TTN: variants seen among roughly 807,000 people sequenced by gnomAD.
The protein encoded by TTN is titin.
TTN carries 1,525 observed loss-of-function variants against 3,223.0 expected under a neutral mutation model. The observed-to-expected ratio is 0.47, with a 90% CI of 0.45 to 0.49. The LOEUF is 0.49. Ranked by LOEUF, TTN falls within the 20% of genes least tolerant of loss-of-function variation. The pLI is 0.00. For synonymous variants in TTN, 14,094 were observed against 15,161.0 expected, an observed-to-expected ratio of 0.93 and a Z score of 5.17; for missense variants, 40,786 against 43,424.0, an observed-to-expected ratio of 0.94 and a Z score of 5.40.
chr2:178,736,417 T>G (rs868369652), intron 49 of TTN, among the ~76,000 whole-genome samples: 1 of 152,182 alleles, frequency 6.6e-6, no homozygotes, highest in Non-Finnish European at 1.5e-5. Flanking sequence ...ATTAGAAGAT[T>G]ATGTAAGGAA....
chr2:178,730,135 C>T lies in TTN; in HGVS notation c.18265G>A (p.Asp6089Asn), dbSNP rs560203827. Residue 6089 changes from aspartate to asparagine, a missense_variant, in exon 62 of 363, where the codon GAT becomes AAT. Asp to Asn is a conservative substitution (Grantham distance 23). Transcript: ENST00000589042. ...GCTTTGCTGGTTGCTGTGCCAACAT[C>T]ATTGCTTAGTTGGCAAATGTAGGTT... ...SGTYICQLSN[D>N]VGTATSKATL... is the part of the protein sequence containing the mutation. 51 of 1,582,928 alleles carry T rather than the reference C, an allele frequency of 3.2e-5. No homozygotes were observed. The South Asian group carries it at 5.1e-4, about 16-fold the overall frequency.
intron 282 of TTN, 43 bp from the exon 283 acceptor site, chr2:178,602,633 C>A: frequency 2.1e-6 from 3 of 1,436,980 alleles, no homozygotes; most frequent in Non-Finnish European, 2.7e-6. Context: ...GATTTTGAAG[C>A]TGATGAAGTG....
intron 349 of TTN, 68 bp from the exon 350 acceptor site, chr2:178,541,652 G>A: frequency 7.2e-7 from 1 of 1,392,022 alleles, no homozygotes; most frequent in Non-Finnish European, 9.5e-7. Context: ...TCATATATTT[G>A]TGTTTTCCTT....
chr2:178,677,335 C>CATATATATATATATATAT lies in TTN; in HGVS notation c.34292-66_34292-49dup, dbSNP rs61060584. The CATATATATATATATATAT allele has an allele frequency of 4.9e-3, 1,240 of 251,518 alleles. 34 individuals carry two copies. The highest frequency in any genetic ancestry group is 0.019 in the East Asian group (123 of 6,464). 15.6% of individuals were successfully genotyped at this position (251,518 alleles called of 1,614,324 possible). A position where few individuals can be genotyped will look rare whatever the true frequency, so the allele number is the denominator to read the frequency against. On this transcript the variant is annotated intron_variant, in intron 146 of 362. Transcript: ENST00000589042. ...GCATTAAAAACCACATATACATGGT[C>CATATATATATATATATAT]ATATATATATATATATATATATATA...
intron 98 of TTN, among the ~76,000 whole-genome samples, 157 bp downstream of exon 98, chr2:178,710,478 G>A (rs2076494623): frequency 6.6e-6 from 1 of 152,102 alleles, no homozygotes; most frequent in African/African-American, 2.4e-5. Flanking sequence ...TTTAAAAAAT[G>A]ACTTCTTCTC....
Position 178,741,635 on chromosome 2 carries a change from G to A in TTN, c.11598C>T (p.Tyr3866=). ...NGVLLTPSAD[Y]KFVFDGDDHS... ...GATCATCACCGTCAAAAACAAATTT[G>A]TAGTCAGCAGAAGGGGTTAATAGCA... The change falls in exon 48 of 363, where the codon TAC becomes TAT. Residue 3866 remains tyrosine, a synonymous_variant. Transcript: ENST00000589042. 6.2e-7 allele frequency: 1 copy of A among 1,613,796 alleles called. No individual in the cohort carries two copies.
chr2:178,792,542 A>G (rs2093563576), intron 9 of TTN, among the ~76,000 whole-genome samples: 2 of 152,252 alleles, frequency 1.3e-5, no homozygotes, highest in Admixed American at 6.5e-5. Context: ...CTTAGAATAT[A>G]TATCAGAATG....
chr2:178,773,823 A>G lies in TTN; in HGVS notation c.7330+15T>C, dbSNP rs2154344835. The G allele has an allele frequency of 6.2e-7, 1 of 1,614,066 alleles. No individual in the cohort carries two copies. The highest frequency in any genetic ancestry group is 2.2e-5 in the East Asian group (1 of 44,852). ...CTTAATAGTGTAAACATAAAATTTT[A>G]TAATTAGGACTCACTATAGACAGAG... On this transcript the variant is annotated intron_variant, in intron 31 of 362. Coordinates refer to ENST00000589042, the MANE Select transcript of TTN (RefSeq NM_001267550.2).
chr2:178,649,683 A>C, intron 211 of TTN, 52 bp from the exon 212 acceptor site: 4 of 1,543,596 alleles, frequency 2.6e-6, no homozygotes, highest in Non-Finnish European at 2.6e-6. Flanking sequence ...GATGTAAGAT[A>C]TACATACAAG....
chr2:178,581,788 C>G lies in TTN; in HGVS notation c.66480G>C (p.Pro22160=). The change falls in exon 316 of 363, where the codon CCG becomes CCC. Residue 22160 remains proline (P), a synonymous_variant. Transcript: ENST00000589042. Reference sequence around the variant, plus strand: ...TTGTATCATATACTTTAGGGAAAGCCGGTGGGCCAGGAGGATCTGAGAATA... The same window carrying G: ...TTGTATCATATACTTTAGGGAAAGCGGGTGGGCCAGGAGGATCTGAGAATA... ...ARDPQYPPGP[P]AFPKVYDTTR... is the part of the protein sequence containing the mutation. 6.3e-7 allele frequency: 1 copy of G among 1,598,490 alleles called. No individual in the cohort carries two copies. Among genetic ancestry groups the G allele is most frequent in the South Asian group, 1.1e-5 (1 of 89,074 alleles).
At chr2:178,695,509 G>A (rs559217816) in intron 114 of TTN, 99 bp from the exon 115 acceptor site, 83 of 910,370 alleles carry the variant, frequency 9.1e-5, no homozygotes, top group Non-Finnish European at 1.3e-4. Flanking sequence ...ATATATAATC[G>A]TGTGAAGTAT....
Position 178,548,804 on chromosome 2 carries a change from G to C in TTN, c.92822C>G (p.Ala30941Gly). The C allele has an allele frequency of 6.2e-7, 1 of 1,612,694 alleles. No individual in the cohort carries two copies. The highest frequency in any genetic ancestry group is 1.1e-5 in the South Asian group (1 of 91,088). ...FKQTHVVRAG[A>G]SIRLFIAYQG... Reference sequence around the variant, plus strand: ...GTAGGCAATGAAGAGGCGAATACTGGCCCCAGCTCTAACAACATGAGTCTG... The same window carrying C: ...GTAGGCAATGAAGAGGCGAATACTGCCCCCAGCTCTAACAACATGAGTCTG... Residue 30941 changes from alanine (A) to glycine (G), a missense_variant, in exon 339 of 363, where the codon GCC becomes GGC. Ala to Gly is a moderately conservative substitution (Grantham distance 60). Coordinates refer to ENST00000589042, the MANE Select transcript of TTN (RefSeq NM_001267550.2). This position sits in a 1 kb window ranked among gnomAD's most constrained non-coding sequence, Gnocchi z 4.3.
chr2:178,765,617 T>C (rs927978748), intron 41 of TTN, among the ~76,000 whole-genome samples: 1 of 152,220 alleles, frequency 6.6e-6, no homozygotes, highest in African/African-American at 2.4e-5. Context: ...GGTTCATCTT[T>C]GTGAATCTTG....
intron 1 of TTN, among the ~76,000 whole-genome samples, chr2:178,806,331 A>T (rs1455901650): frequency 6.6e-6 from 1 of 152,192 alleles, no homozygotes; most frequent in East Asian, 1.9e-4. Context: ...ATACCTAATT[A>T]TATATCTATG....
intron 90 of TTN, 109 bp downstream of exon 90, chr2:178,714,877 G>A: frequency 7.1e-7 from 1 of 1,399,776 alleles, no homozygotes; most frequent in South Asian, 1.5e-5. Context: ...GAAACAAAGG[G>A]AAAGTGGAAT....
Position 178,728,547 on chromosome 2 carries a change from T to A in TTN, c.19379A>T (p.Glu6460Val). ...ACAGCTACTGCTTCCGAAGTCATTT[T>A]CCACCTTGAAAGTGTACTGACCGCT... ...QDSGQYTFKV[E>V]NDFGSSSCDA... The change falls in exon 66 of 363, where the codon GAA (glutamate) becomes GTA (valine). Residue 6460 changes from glutamate (E) to valine (V), a missense_variant. By Grantham distance (121) the Glu-to-Val change is moderately radical. Coordinates refer to ENST00000589042, the MANE Select transcript of TTN (RefSeq NM_001267550.2). 1 of 1,612,794 alleles carries A rather than the reference T, an allele frequency of 6.2e-7. No homozygotes were observed. The highest frequency in any genetic ancestry group is 8.5e-7 in the Non-Finnish European group (1 of 1,179,266).
chr2:178,750,082 C>G, intron 47 of TTN: 1 of 1,613,112 alleles, frequency 6.2e-7, no homozygotes, highest in Non-Finnish European at 8.5e-7. Flanking sequence ...CTGCTGTTAC[C>G]TGAATTTCTA....
Position 178,751,954 on chromosome 2 carries a change from G to A in TTN, c.11311+1170C>T, listed in dbSNP as rs771695780. On this transcript the variant is annotated intron_variant, in intron 47 of 362. Coordinates refer to ENST00000589042, the MANE Select transcript of TTN (RefSeq NM_001267550.2). ...TACTTGCATATCTTTTAGCAGCCATGGATTTGTGGTCTATGTCTTCAGAAT... is the reference window on the plus strand; with the variant it reads ...TACTTGCATATCTTTTAGCAGCCATAGATTTGTGGTCTATGTCTTCAGAAT... The A allele has an allele frequency of 4.4e-6, 7 of 1,588,122 alleles. No individual in the cohort carries two copies. The Admixed American group carries it at 5.6e-5, about 13-fold the overall frequency.
In TTN at chr2:178,678,842, T is replaced by G; in HGVS notation, c.33743-12A>C. On this transcript the variant is annotated splice_polypyrimidine_tract_variant and intron_variant, in intron 142 of 362. Transcript: ENST00000589042. Reference sequence around the variant, plus strand: ...GGGCACTTCAGGAACTTCAAAGATATCAAATAGAGTTAGTGTCACATTTTT... The same window carrying G: ...GGGCACTTCAGGAACTTCAAAGATAGCAAATAGAGTTAGTGTCACATTTTT... 6.3e-7 allele frequency: 1 copy of G among 1,578,874 alleles called. No individual in the cohort carries two copies. The highest frequency in any genetic ancestry group is 8.6e-7 in the Non-Finnish European group (1 of 1,168,204).
Sources: gnomAD v4.1 joint callset for allele counts (sites outside exome capture counted in the v4.1 genomes callset) on GRCh38, gnomAD v4.1.1 for gene constraint, Gnocchi (gnomAD v3.1) non-coding constraint, MANE v1.5 for transcripts, NCBI Gene and HGNC (gene_info 2026-07-23, HGNC 2026-07-21) for gene names.